HDAC9: variants seen among roughly 807,000 people sequenced by gnomAD.
The protein encoded by HDAC9 is MEF-2 interacting transcription repressor (MITR) protein.
Under a neutral mutation model 139.4 loss-of-function variants are expected in HDAC9, and 41 were observed. The observed-to-expected ratio is 0.29, with a 90% CI of 0.23 to 0.38. The LOEUF (loss-of-function observed/expected upper bound fraction) is 0.38. Ranked by LOEUF, HDAC9 falls within the 10% of genes least tolerant of loss-of-function variation. The probability of loss-of-function intolerance (pLI) is 1.00; values close to 1 mark genes in which losing one functional copy is unlikely to be tolerated. For missense variants in HDAC9, 1,147 were observed against 1,297.0 expected (o/e 0.88, Z 1.78); for synonymous variants, 517 against 476.2 (o/e 1.09, Z -1.12).
At chr7:18,948,514 G>A (rs1049655472) in intron 23 of HDAC9, among the ~76,000 whole-genome samples, 2 of 152,034 alleles carry the variant, frequency 1.3e-5, no homozygotes, top group Non-Finnish European at 1.5e-5. Flanking sequence ...ATCGTTAAGG[G>A]AAACTGGGTG....
chr7:18,910,405 TCTTGTAA>T (rs1461516992), intron 22 of HDAC9, among the ~76,000 whole-genome samples: 2 of 152,022 alleles, frequency 1.3e-5, no homozygotes, highest in African/African-American at 2.4e-5. Context: ...TGATTTTGTA[TCTTGTAA>T]CTTTACTGAA....
At chr7:18,847,960 G>C (rs1021497139) in intron 21 of HDAC9, among the ~76,000 whole-genome samples, 2 of 152,174 alleles carry the variant, frequency 1.3e-5, no homozygotes, top group Non-Finnish European at 2.9e-5. Context: ...GAAAGAACAA[G>C]TTGAGTATAT....
At chr7:18,796,483 G>A (rs1792809810) in intron 17 of HDAC9, among the ~76,000 whole-genome samples, 1 of 152,194 alleles carries the variant, frequency 6.6e-6, no homozygotes, top group South Asian at 2.1e-4. Flanking sequence ...CAGCAAATTG[G>A]TATATTTTTT....
intron 2 of HDAC9, among the ~76,000 whole-genome samples, chr7:18,549,681 A>T (rs745629489): frequency 3.9e-5 from 6 of 152,134 alleles, no homozygotes; most frequent in Non-Finnish European, 8.8e-5. Flanking sequence ...CTTTCACAGG[A>T]TTCCTCTTTG....
At chr7:18,802,936 C>G (rs570628617) in intron 17 of HDAC9, among the ~76,000 whole-genome samples, 1 of 151,674 alleles carries the variant, frequency 6.6e-6, no homozygotes, top group African/African-American at 2.4e-5. Flanking sequence ...TCTAATATGA[C>G]TGTGTATTTT....
upstream of HDAC9, among the ~76,000 whole-genome samples, chr7:18,288,146 A>G (rs302161): frequency 5.6e-3 from 847 of 152,344 alleles, 9 homozygotes; most frequent in African/African-American, 0.019. Context: ...GGCTCATGGT[A>G]TTTGAATAAC....
chr7:18,517,283 T>G (rs931937696), intron 2 of HDAC9, among the ~76,000 whole-genome samples: 1 of 152,196 alleles, frequency 6.6e-6, no homozygotes, highest in African/African-American at 2.4e-5. Flanking sequence ...GACTCTGTTC[T>G]TACAAACGAT....
intron 1 of HDAC9, among the ~76,000 whole-genome samples, chr7:18,303,545 C>G (rs1798713191): frequency 6.6e-6 from 1 of 152,076 alleles, no homozygotes; most frequent in Non-Finnish European, 1.5e-5. Context: ...CCGCGCCCGG[C>G]CGGAATGAGA....
At chr7:18,721,767 A>T (rs1785163776) in intron 12 of HDAC9, among the ~76,000 whole-genome samples, 1 of 152,234 alleles carries the variant, frequency 6.6e-6, no homozygotes, top group Non-Finnish European at 1.5e-5. Flanking sequence ...ACAGAAAAAA[A>T]TCTGTTATTA....
chr7:18,305,990 C>T (rs10275610), intron 1 of HDAC9, among the ~76,000 whole-genome samples: 3,346 of 152,244 alleles, frequency 0.022, 125 homozygotes, highest in African/African-American at 0.076. Context: ...CAGCAATTCA[C>T]TCCCCAGTCC....
chr7:18,970,668 T>C (rs755632143), intron 24 of HDAC9, among the ~76,000 whole-genome samples: 3 of 152,208 alleles, frequency 2.0e-5, no homozygotes, highest in Non-Finnish European at 2.9e-5. Context: ...AGAAAATCCA[T>C]AGACCTCCTT....
chr7:18,893,033 G>GAAAAAAAAAAAAACAAAAAA (rs1800825201), intron 22 of HDAC9, among the ~76,000 whole-genome samples: 1 of 66,890 alleles, frequency 1.5e-5, no homozygotes, highest in East Asian at 5.1e-4. Context: ...GTAATAGGCC[G>GAAAAAAAAAAAAACAAAAAA]AAAAAAAAAA....
At chr7:18,681,955 A>G (rs1781920190) in intron 12 of HDAC9, among the ~76,000 whole-genome samples, 2 of 152,058 alleles carry the variant, frequency 1.3e-5, no homozygotes, top group Non-Finnish European at 2.9e-5. Context: ...TTTTTAAGCA[A>G]ATTATTATCT....
At chr7:18,914,873 T>C (rs1803050886) in intron 22 of HDAC9, among the ~76,000 whole-genome samples, 1 of 152,076 alleles carries the variant, frequency 6.6e-6, no homozygotes, top group Admixed American at 6.6e-5. Context: ...ATAGCAGTAT[T>C]TGGAAAGAGT....
At chr7:18,610,774 C>G (rs866086509) in intron 6 of HDAC9, among the ~76,000 whole-genome samples, 29 of 152,140 alleles carry the variant, frequency 1.9e-4, no homozygotes, top group African/African-American at 7.0e-4. Flanking sequence ...AAACTTTTCC[C>G]AATCCTCTAT....
intron 2 of HDAC9, among the ~76,000 whole-genome samples, chr7:18,251,193 C>T (rs1431308448): frequency 6.6e-6 from 1 of 152,150 alleles, no homozygotes; most frequent in South Asian, 2.1e-4. Flanking sequence ...GGAGTGAGAT[C>T]ATGTCCTTTG....
In HDAC9 at chr7:18,749,051, C is replaced by T. The variant is rs376942494; in HGVS notation, c.1956C>T (p.Gly652=). The change falls in exon 14 of 26, where the codon GGC becomes GGT. Residue 652 remains glycine (G), a synonymous_variant. Transcript: ENST00000686413. ...TGCTGAAACACCAGTGCGTTTGTGG[C>T]AATTCCACCACCCACCCTGAGCATG... The part of the protein sequence containing the change: ...PLMLKHQCVC[G]NSTTHPEHAG... The T allele has an allele frequency of 4.2e-5, 68 of 1,613,418 alleles. No homozygotes were observed. The highest frequency in any genetic ancestry group is 5.3e-5 in the Non-Finnish European group (62 of 1,179,672).
rs1424226882 is a variant in HDAC9, at chr7:18,999,651, C to G, written c.*3589C>G. The G allele has an allele frequency of 6.6e-6, 1 of 152,154 alleles. No homozygotes were observed. Among genetic ancestry groups the G allele is most frequent in the South Asian group, 2.1e-4 (1 of 4,824 alleles). The allele number at this position is 152,154 out of a possible 1,614,324, so 9.4% of individuals were successfully genotyped here. ...ACGGGGTTTCTCCATGTTGGTCAGG[C>G]TGGTCTCAAACTCCCGACCTCAGGT... On this transcript the variant is annotated 3_prime_UTR_variant, in exon 26 of 26. Coordinates refer to ENST00000686413, the MANE Select transcript of HDAC9 (RefSeq NM_178425.4).
At chr7:18,196,780 CA>C (rs1339980539) in intron 2 of HDAC9, among the ~76,000 whole-genome samples, 2 of 152,032 alleles carry the variant, frequency 1.3e-5, no homozygotes, top group Non-Finnish European at 2.9e-5. Context: ...AGTTGTTTTA[CA>C]TCATAAGGAC....
Sources: gnomAD v4.1 joint callset for allele counts (sites outside exome capture counted in the v4.1 genomes callset) on GRCh38, gnomAD v4.1.1 for gene constraint, MANE v1.5 for transcripts, NCBI Gene and HGNC (gene_info 2026-07-23, HGNC 2026-07-21) for gene names.